The following ZFAND6 variants were observed in gnomAD, a reference collection of about 807,000 sequenced individuals.
ZFAND6 encodes zinc finger AN1-type containing 6.
In ZFAND6, 12 loss-of-function variants were observed where a neutral mutation model predicts 24.5. The observed-to-expected ratio is 0.49, with a 90% CI of 0.31 to 0.79. The LOEUF (loss-of-function observed/expected upper bound fraction) is 0.79. Among genes scored for constraint, ZFAND6 ranks in the 30% least tolerant of loss-of-function variants. The pLI is 0.04. For synonymous variants in ZFAND6, 92 were observed against 81.5 expected (o/e 1.13, Z -0.69); for missense variants, 207 against 245.9 (o/e 0.84, Z 1.06).
chr15:80,060,256 C>T (rs946044678), intron 1 of ZFAND6: 1 of 152,102 alleles, frequency 6.6e-6, no homozygotes, highest in Non-Finnish European at 1.5e-5. Context: ...AGGTCCTCTT[C>T]GGGATGTTTT....
At chr15:80,065,536 G>GGTTTTT (rs1341209807) in intron 1 of ZFAND6, among the ~76,000 whole-genome samples, 1 of 84,984 alleles carries the variant, frequency 1.2e-5, no homozygotes, top group African/African-American at 4.4e-5. Context: ...TTTTGGTTTT[G>GGTTTTT]ATTTTTTTTT....
At chr15:80,089,452 T>A (rs1057183911) in intron 1 of ZFAND6, among the ~76,000 whole-genome samples, 1 of 151,754 alleles carries the variant, frequency 6.6e-6, no homozygotes, top group South Asian at 2.1e-4. Context: ...GATGGGGTTT[T>A]GCCATGTTTG....
rs554119017 is a variant in ZFAND6 at position 80,112,676 on chromosome 15, G to A, written c.-17-7652G>A. The A allele has an allele frequency of 3.0e-5, 13 of 432,940 alleles. No homozygotes were observed. The East Asian group carries it at 4.2e-4, about 14-fold the overall frequency. 26.8% of individuals were successfully genotyped at this position (432,940 alleles called of 1,614,324 possible). On this transcript the variant is annotated intron_variant, in intron 2 of 6. Transcript: ENST00000261749. ...CACCCAAAGTGCTGGGATTACAGGC[G>A]TGAGCCCCTGCACCTGGCCAGATTT...
At chr15:80,110,673 C>T (rs1029300106) in intron 2 of ZFAND6, among the ~76,000 whole-genome samples, 2 of 151,370 alleles carry the variant, frequency 1.3e-5, no homozygotes, top group Admixed American at 6.6e-5. Context: ...GAATAGAGAG[C>T]CTAGGAAAAG....
chr15:80,075,364 TG>T, intron 1 of ZFAND6: 1 of 212,042 alleles, frequency 4.7e-6, no homozygotes, highest in Non-Finnish European at 9.7e-6. Flanking sequence ...TACATTTTGC[TG>T]GGTACCCCAA....
At chr15:80,100,087 A>G (rs935333661) in intron 2 of ZFAND6, among the ~76,000 whole-genome samples, 3 of 152,208 alleles carry the variant, frequency 2.0e-5, no homozygotes, top group African/African-American at 7.2e-5. Flanking sequence ...TCCAGAGGTT[A>G]TCTAGTTCCT....
intron 2 of ZFAND6, among the ~76,000 whole-genome samples, chr15:80,109,252 T>C (rs2039488714): frequency 6.6e-6 from 1 of 152,182 alleles, no homozygotes; most frequent in Non-Finnish European, 1.5e-5. Context: ...TACCAAGCAT[T>C]ATTCAAAGCA....
rs112184585 is a variant in ZFAND6, at chr15:80,107,619, G to A, written c.-18+9041G>A. Among the ~76,000 whole-genome samples, 138 of 152,224 alleles carry A rather than the reference G, an allele frequency of 9.1e-4. 1 individual carries two copies. The highest frequency in any genetic ancestry group is 2.5e-3 in the African/African-American group (103 of 41,524). On this transcript the variant is annotated intron_variant, in intron 2 of 6. Transcript: ENST00000261749. ...GCGGGTGGGTCACCTGAGGTCAGGA[G>A]TTCAAGACCAGTCTGGCCAACATGG...
intron 1 of ZFAND6, among the ~76,000 whole-genome samples, chr15:80,064,837 GCC>G (rs1442969396): frequency 1.3e-5 from 2 of 151,908 alleles, no homozygotes; most frequent in Non-Finnish European, 2.9e-5. Flanking sequence ...TTACCATGTT[GCC>G]CAGAATGGTT....
In ZFAND6 at chr15:80,107,952, GA is replaced by G. The variant is rs1450343484; in HGVS notation, c.-18+9375del. The stretch of plus-strand genomic sequence containing the variant: ...CCACAGATACGCTTTGGGAACTACT[GA>G]TTTAGAGTGTGGACTCCAGCCAACT... On this transcript the variant is annotated intron_variant, in intron 2 of 6. Coordinates refer to ENST00000261749, the MANE Select transcript of ZFAND6 (RefSeq NM_019006.4). 3.9e-5 allele frequency among the ~76,000 whole-genome samples: 6 copies of G among 152,180 alleles called. 1 individual carries two copies. The East Asian group carries it at 1.2e-3, about 29-fold the overall frequency.
At chr15:80,076,870 C>G (rs1169008413) in intron 1 of ZFAND6, among the ~76,000 whole-genome samples, 2 of 151,718 alleles carry the variant, frequency 1.3e-5, no homozygotes, top group Non-Finnish European at 2.9e-5. Context: ...TGAAAACTTG[C>G]TGCCTGTCTA....
intron 5 of ZFAND6, among the ~76,000 whole-genome samples, chr15:80,123,899 CA>C (rs2040257332): frequency 6.6e-6 from 1 of 152,100 alleles, no homozygotes; most frequent in African/African-American, 2.4e-5. Context: ...ATTAAATAAA[CA>C]AATTTAAATA....
intron 2 of ZFAND6, among the ~76,000 whole-genome samples, chr15:80,114,571 TAAAAG>T (rs1043614508): frequency 4.6e-5 from 7 of 152,022 alleles, no homozygotes; most frequent in African/African-American, 1.7e-4. Flanking sequence ...GGATGGAAAA[TAAAAG>T]AGGGTGAAGC....
intron 5 of ZFAND6, among the ~76,000 whole-genome samples, chr15:80,128,738 T>A (rs150232409): frequency 6.0e-4 from 92 of 152,354 alleles, no homozygotes; most frequent in African/African-American, 1.9e-3. Context: ...TATAAGCTTT[T>A]AGATAGCCTT....
chr15:80,122,198 A>G (rs1361279034), intron 4 of ZFAND6, among the ~76,000 whole-genome samples: 1 of 152,098 alleles, frequency 6.6e-6, no homozygotes, highest in East Asian at 1.9e-4. Flanking sequence ...TAGTACTCAT[A>G]TTTGTTTATA....
intron 1 of ZFAND6, among the ~76,000 whole-genome samples, chr15:80,081,737 TTA>T: frequency 6.6e-6 from 1 of 152,228 alleles, no homozygotes; most frequent in East Asian, 1.9e-4. Context: ...CAAGTTAACT[TTA>T]TAGTGCACTA....
chr15:80,083,227 G>T (rs1356069075), intron 1 of ZFAND6, among the ~76,000 whole-genome samples: 1 of 152,114 alleles, frequency 6.6e-6, no homozygotes, highest in Non-Finnish European at 1.5e-5. Flanking sequence ...TCCTGACCTC[G>T]TGATCCGCCC....
At chr15:80,125,712 C>G (rs1297285389) in intron 5 of ZFAND6, among the ~76,000 whole-genome samples, 1 of 152,208 alleles carries the variant, frequency 6.6e-6, no homozygotes, top group Non-Finnish European at 1.5e-5. Context: ...TTTTGGTACA[C>G]TCTAAAACTG....
chr15:80,064,611 CACA>C lies in ZFAND6; in HGVS notation c.-181+4803_-181+4805del, dbSNP rs1366032911. On this transcript the variant is annotated intron_variant, in intron 1 of 6. Transcript: ENST00000261749. ...ATATATATACACATGTATACATACA[CACA>C]CACACACACACACACGTATGTTTGG... is the stretch of plus-strand genomic sequence containing the variant. 2.9e-4 allele frequency among the ~76,000 whole-genome samples: 9 copies of C among 31,368 alleles called. No homozygotes were observed. In the Admixed American group the frequency reaches 3.6e-3, roughly 13 times the overall value. 20.6% of individuals were successfully genotyped at this position (31,368 alleles called of 152,430 possible).
Sources: gnomAD v4.1 joint callset for allele counts (sites outside exome capture counted in the v4.1 genomes callset) on GRCh38, gnomAD v4.1.1 for gene constraint, MANE v1.5 for transcripts, NCBI Gene and HGNC (gene_info 2026-07-23, HGNC 2026-07-21) for gene names.